The following CADM2 variants were observed in gnomAD, a reference collection of about 807,000 sequenced individuals.
CADM2 encodes cell adhesion molecule 2, also known as immunoglobulin superfamily member 4D.
In CADM2, 12 loss-of-function variants were observed where a neutral mutation model predicts 49.8. That is an observed-to-expected ratio of 0.24 (90% CI 0.15 to 0.39). The LOEUF (loss-of-function observed/expected upper bound fraction) is 0.39. Ranked by LOEUF, CADM2 falls within the 10% of genes least tolerant of loss-of-function variation. The pLI is 1.00. For synonymous variants in CADM2, 214 were observed against 175.4 expected, an observed-to-expected ratio of 1.22 and a Z score of -1.74; for missense variants, 378 against 492.3, an observed-to-expected ratio of 0.77 and a Z score of 2.20.
chr3:85,836,453 C>T (rs1201957049), intron 3 of CADM2, among the ~76,000 whole-genome samples: 1 of 151,554 alleles, frequency 6.6e-6, no homozygotes, highest in African/African-American at 2.4e-5. Flanking sequence ...CCTAGAAAAC[C>T]AGTCTCCATC....
chr3:85,229,454 G>T (rs1244773701), intron 1 of CADM2, among the ~76,000 whole-genome samples: 1 of 152,094 alleles, frequency 6.6e-6, no homozygotes, highest in East Asian at 1.9e-4. Context: ...GCCCTCGGTG[G>T]GCTGCACCTA....
At chr3:85,399,209 G>T (rs934447655) in intron 1 of CADM2, among the ~76,000 whole-genome samples, 3 of 152,094 alleles carry the variant, frequency 2.0e-5, no homozygotes, top group Non-Finnish European at 4.4e-5. Context: ...TCTACATATG[G>T]CTAGGCAGTT....
At chr3:85,501,654 T>C (rs1559872347) in intron 1 of CADM2, among the ~76,000 whole-genome samples, 1 of 152,160 alleles carries the variant, frequency 6.6e-6, no homozygotes, top group Non-Finnish European at 1.5e-5. Flanking sequence ...TACTTCAATA[T>C]GTATTTACAT....
intron 1 of CADM2, among the ~76,000 whole-genome samples, chr3:85,105,051 A>G (rs1026558357): frequency 2.0e-5 from 3 of 152,246 alleles, no homozygotes; most frequent in African/African-American, 7.2e-5. Flanking sequence ...TCCTAGTTGA[A>G]TAGCCTTTAT....
At chr3:85,943,962 A>T (rs914988844) in intron 7 of CADM2, among the ~76,000 whole-genome samples, 1 of 152,074 alleles carries the variant, frequency 6.6e-6, no homozygotes, top group Non-Finnish European at 1.5e-5. Flanking sequence ...GCTCTAATTA[A>T]AATACACACA....
chr3:85,055,544 C>G (rs2036048765), intron 1 of CADM2, among the ~76,000 whole-genome samples: 1 of 151,992 alleles, frequency 6.6e-6, no homozygotes, highest in Non-Finnish European at 1.5e-5. Context: ...TTCTCTTACA[C>G]ATTTTATATG....
At chr3:85,824,735 T>TGAGTG (rs2073807888) in intron 3 of CADM2, among the ~76,000 whole-genome samples, 1 of 152,108 alleles carries the variant, frequency 6.6e-6, no homozygotes, top group Non-Finnish European at 1.5e-5. Context: ...ATTTGCTTGC[T>TGAGTG]GAGTGGAGTG....
intron 2 of CADM2, among the ~76,000 whole-genome samples, chr3:85,763,820 G>A (rs531800630): frequency 3.3e-4 from 50 of 152,178 alleles, no homozygotes; most frequent in Non-Finnish European, 4.6e-4. Context: ...TTTCATCAAA[G>A]AGTGTTAGAT....
chr3:85,452,079 G>A (rs989523906), intron 1 of CADM2, among the ~76,000 whole-genome samples: 3 of 151,972 alleles, frequency 2.0e-5, no homozygotes, highest in African/African-American at 7.3e-5. Flanking sequence ...TGCTTCCGTC[G>A]CTCAAATAAT....
intron 8 of CADM2, among the ~76,000 whole-genome samples, chr3:86,046,471 C>A (rs2107289917): frequency 6.6e-6 from 1 of 152,108 alleles, no homozygotes; most frequent in South Asian, 2.1e-4. Flanking sequence ...AGATTTGGCC[C>A]CCAAGAGACA....
chr3:85,721,950 C>A (rs192567001), intron 1 of CADM2, among the ~76,000 whole-genome samples: 1 of 152,306 alleles, frequency 6.6e-6, no homozygotes, highest in East Asian at 1.9e-4. Flanking sequence ...TGAGGAGGAG[C>A]TTTATTGAGC....
rs561384517 is a variant in CADM2, at chr3:85,532,156, G to A, written c.62-194366G>A. On this transcript the variant is annotated intron_variant, in intron 1 of 9. Transcript: ENST00000383699. ...CCCGCCATTGCACTCTAGCCTGGGC[G>A]ACAGAGCGAGACTCCGTCTCAAAAA... Among the ~76,000 whole-genome samples, 164 of 151,764 alleles carry A rather than the reference G, an allele frequency of 1.1e-3. 1 individual carries two copies. The highest frequency in any genetic ancestry group is 3.4e-3 in the Middle Eastern group (1 of 292).
At chr3:85,262,860 G>T (rs1316939264) in intron 1 of CADM2, among the ~76,000 whole-genome samples, 1 of 149,934 alleles carries the variant, frequency 6.7e-6, no homozygotes, top group East Asian at 1.9e-4. Context: ...AAAATGCATT[G>T]ATTTAAAAAA....
chr3:85,399,946 T>C (rs1410268384), intron 1 of CADM2, among the ~76,000 whole-genome samples: 1 of 152,186 alleles, frequency 6.6e-6, no homozygotes, highest in Admixed American at 6.5e-5. Context: ...TTTTCCTAAT[T>C]GAATACCCTT....
intron 1 of CADM2, among the ~76,000 whole-genome samples, chr3:85,524,015 C>T (rs1218591388): frequency 2.0e-5 from 3 of 152,066 alleles, no homozygotes; most frequent in Admixed American, 6.6e-5. Context: ...TCAAGATGTA[C>T]ATATGCTTCC....
intron 3 of CADM2, among the ~76,000 whole-genome samples, chr3:85,860,663 G>T (rs1026151708): frequency 2.0e-5 from 3 of 152,088 alleles, no homozygotes; most frequent in African/African-American, 7.2e-5. Context: ...GTCTATTAGG[G>T]CATGAATTCC....
At chr3:84,998,541 A>G (rs1028435589) in intron 1 of CADM2, among the ~76,000 whole-genome samples, 2 of 152,150 alleles carry the variant, frequency 1.3e-5, no homozygotes, top group Non-Finnish European at 2.9e-5. Flanking sequence ...GCAAAGAGTG[A>G]AATTTTATTT....
At chr3:85,142,104 T>C (rs1031557285) in intron 1 of CADM2, among the ~76,000 whole-genome samples, 3 of 152,244 alleles carry the variant, frequency 2.0e-5, no homozygotes, top group African/African-American at 4.8e-5. Flanking sequence ...TAGTATTAGA[T>C]TGGTGCAGAA....
chr3:85,699,503 T>G (rs2066681606), intron 1 of CADM2, among the ~76,000 whole-genome samples: 1 of 152,230 alleles, frequency 6.6e-6, no homozygotes, highest in Non-Finnish European at 1.5e-5. Flanking sequence ...AAGCCTCAAC[T>G]CTTGCATTCT....
Sources: allele counts gnomAD v4.1 joint callset (sites outside exome capture counted in the v4.1 genomes callset), GRCh38; gene constraint gnomAD v4.1.1; transcripts MANE v1.5; gene names NCBI Gene and HGNC (gene_info 2026-07-23, HGNC 2026-07-21).